The following PSD3 variants were observed in gnomAD, a reference collection of about 807,000 sequenced individuals.
The protein encoded by PSD3 is PH and SEC7 domain-containing protein 3.
A neutral mutation model predicts 105.5 loss-of-function variants in PSD3; 49 were observed. The observed-to-expected ratio is 0.46, with a 90% CI of 0.37 to 0.59. The LOEUF (loss-of-function observed/expected upper bound fraction) is 0.59. Among genes scored for constraint, PSD3 ranks in the 20% least tolerant of loss-of-function variants. PSD3 has a pLI of 0.00. For synonymous variants in PSD3, 557 were observed against 457.8 expected (o/e 1.22, Z -2.77); for missense variants, 1,561 against 1,263.8 (o/e 1.24, Z -3.57).
At chr8:18,913,178 A>C (rs1172396823) in intron 2 of PSD3, among the ~76,000 whole-genome samples, 1 of 151,268 alleles carries the variant, frequency 6.6e-6, no homozygotes, top group Admixed American at 6.6e-5. Context: ...TAGATGCTTC[A>C]GTCTTTATTG....
intron 10 of PSD3, among the ~76,000 whole-genome samples, chr8:18,633,383 G>C (rs1205765868): frequency 6.6e-6 from 1 of 152,024 alleles, no homozygotes; most frequent in Admixed American, 6.6e-5. Flanking sequence ...CAGGCACAGT[G>C]CTTTGGCATG....
chr8:18,640,428 C>G (rs911801336), intron 10 of PSD3, among the ~76,000 whole-genome samples: 1 of 152,052 alleles, frequency 6.6e-6, no homozygotes, highest in Admixed American at 6.5e-5. Context: ...ATGGGAGGGA[C>G]CAGTGGGAGG....
At chr8:18,991,469 T>C (rs1426645180) in intron 1 of PSD3, among the ~76,000 whole-genome samples, 1 of 151,932 alleles carries the variant, frequency 6.6e-6, no homozygotes, top group Non-Finnish European at 1.5e-5. Flanking sequence ...TAGGGTCAAC[T>C]GTGACCTACA....
intron 1 of PSD3, among the ~76,000 whole-genome samples, chr8:19,022,938 C>T (rs1440809468): frequency 6.6e-6 from 1 of 150,938 alleles, no homozygotes; most frequent in Non-Finnish European, 1.5e-5. Flanking sequence ...CTGTGTATTA[C>T]ACTGTCACCT....
chr8:18,551,052 G>T (rs1328935240), intron 15 of PSD3, among the ~76,000 whole-genome samples: 1 of 152,168 alleles, frequency 6.6e-6, no homozygotes, highest in Non-Finnish European at 1.5e-5. Flanking sequence ...CAGACCACTT[G>T]CAGCTTAATT....
At chr8:18,996,921 T>C (rs1304139323) in intron 1 of PSD3, among the ~76,000 whole-genome samples, 1 of 151,804 alleles carries the variant, frequency 6.6e-6, no homozygotes, top group African/African-American at 2.4e-5. Context: ...TCATTTTACT[T>C]TACTTCCCGG....
chr8:18,552,421 A>G (rs528710068), intron 15 of PSD3, among the ~76,000 whole-genome samples: 3 of 152,230 alleles, frequency 2.0e-5, no homozygotes, highest in Non-Finnish European at 4.4e-5. Flanking sequence ...CTGAAGAAAC[A>G]TAAAACCAAA....
At chr8:18,849,077 C>G (rs560846009) in intron 4 of PSD3, among the ~76,000 whole-genome samples, 2 of 152,174 alleles carry the variant, frequency 1.3e-5, no homozygotes, top group Non-Finnish European at 2.9e-5. Context: ...TTGGCCATAT[C>G]GCTGCCTCCA....
At chr8:18,898,209 T>C (rs1169959435) in intron 2 of PSD3, among the ~76,000 whole-genome samples, 1 of 152,200 alleles carries the variant, frequency 6.6e-6, no homozygotes, top group Non-Finnish European at 1.5e-5. Context: ...GGTGTTTAAG[T>C]GCCCAACTAT....
At chr8:18,909,491 A>G (rs932337037) in intron 2 of PSD3, among the ~76,000 whole-genome samples, 36 of 151,852 alleles carry the variant, frequency 2.4e-4, no homozygotes, top group Middle Eastern at 3.4e-3. Flanking sequence ...TTTTAATTTT[A>G]TTTTTTAAGA....
At chr8:18,609,995 T>C (rs1225224285) in intron 11 of PSD3, among the ~76,000 whole-genome samples, 2 of 152,230 alleles carry the variant, frequency 1.3e-5, no homozygotes, top group Non-Finnish European at 2.9e-5. Flanking sequence ...CCCTGGTTTA[T>C]AGCAGCGTGG....
At chr8:18,916,337 T>TAC (rs1820595496) in intron 2 of PSD3, among the ~76,000 whole-genome samples, 1 of 44,084 alleles carries the variant, frequency 2.3e-5, no homozygotes, top group Admixed American at 2.3e-4. Context: ...TATATATATA[T>TAC]ATATATATAT....
intron 4 of PSD3, among the ~76,000 whole-genome samples, chr8:18,821,851 A>G (rs1487392195): frequency 8.7e-6 from 1 of 115,606 alleles, no homozygotes; most frequent in South Asian, 2.9e-4. Context: ...CCACACACAC[A>G]TGCACACACA....
At chr8:19,063,311 A>C (rs1828965598) in intron 1 of PSD3, among the ~76,000 whole-genome samples, 1 of 152,250 alleles carries the variant, frequency 6.6e-6, no homozygotes, top group Admixed American at 6.5e-5. Context: ...TTTCAATTTT[A>C]ACTGTCATTG....
intron 4 of PSD3, chr8:18,849,517 G>A (rs543553303): frequency 7.9e-5 from 12 of 152,244 alleles, no homozygotes; most frequent in African/African-American, 2.9e-4. Flanking sequence ...GTTGGCCGAG[G>A]TCTATACTAG....
At chr8:18,888,162 C>CA (rs1185306580) in intron 2 of PSD3, among the ~76,000 whole-genome samples, 1 of 152,034 alleles carries the variant, frequency 6.6e-6, no homozygotes, top group Non-Finnish European at 1.5e-5. Context: ...CATCGCAAGC[C>CA]AAAAATATCC....
At chr8:18,674,121 G>A (rs1799943110) in intron 9 of PSD3, among the ~76,000 whole-genome samples, 1 of 152,002 alleles carries the variant, frequency 6.6e-6, no homozygotes, top group African/African-American at 2.4e-5. Context: ...AGTCCAGACT[G>A]GATGAAAGAG....
At chr8:18,677,976 C>G (rs1365346002) in intron 9 of PSD3, among the ~76,000 whole-genome samples, 1 of 149,272 alleles carries the variant, frequency 6.7e-6, no homozygotes, top group Non-Finnish European at 1.5e-5. Flanking sequence ...GGCCACTGCA[C>G]TCCAGCCTGG....
At chr8:19,009,161 AATTAC>A (rs1399896551) in intron 1 of PSD3, among the ~76,000 whole-genome samples, 3 of 152,208 alleles carry the variant, frequency 2.0e-5, no homozygotes, top group Non-Finnish European at 4.4e-5. Context: ...GTTGTTGTTT[AATTAC>A]ACCATTTCTA....
Sources: allele counts gnomAD v4.1 joint callset (sites outside exome capture counted in the v4.1 genomes callset), GRCh38; gene constraint gnomAD v4.1.1; transcripts MANE v1.5; gene names NCBI Gene and HGNC (gene_info 2026-07-23, HGNC 2026-07-21).